Variants in PSG2 observed in about 807,000 individuals in gnomAD.
PSG2 encodes pregnancy-specific beta-1-glycoprotein 2.
PSG2 carries 49 observed loss-of-function variants against 36.2 expected under a neutral mutation model. The observed-to-expected ratio is 1.35, with a 90% CI of 1.08 to 1.72. PSG2 has a LOEUF of 1.72. Ranked by LOEUF, PSG2 falls within the 40% of genes most tolerant of loss-of-function variation. PSG2 has a pLI of 0.00. For synonymous variants in PSG2, 261 were observed against 155.6 expected (o/e 1.68, Z -5.04); for missense variants, 605 against 407.2 (o/e 1.49, Z -4.18).
At chr19:43,077,689 A>AT (rs1299119672) in intron 2 of PSG2, among the ~76,000 whole-genome samples, 1 of 151,800 alleles carries the variant, frequency 6.6e-6, no homozygotes, top group African/African-American at 2.4e-5. Flanking sequence ...CAGTATTCCT[A>AT]TTACGTGTAC....
At chr19:43,070,115 G>A (rs2122898521) in intron 4 of PSG2, among the ~76,000 whole-genome samples, 1 of 151,692 alleles carries the variant, frequency 6.6e-6, no homozygotes, top group African/African-American at 2.4e-5. Flanking sequence ...TTAGAGATGT[G>A]CAAATCAAAA....
intron 4 of PSG2, among the ~76,000 whole-genome samples, chr19:43,068,697 T>A (rs1967776123): frequency 6.6e-6 from 1 of 151,596 alleles, no homozygotes; most frequent in Admixed American, 6.6e-5. Flanking sequence ...AGAAAAACAT[T>A]GTAAGAATGG....
chr19:43,072,894 G>A (rs1411484845), intron 3 of PSG2, among the ~76,000 whole-genome samples: 2 of 151,720 alleles, frequency 1.3e-5, no homozygotes, highest in Non-Finnish European at 2.9e-5. Flanking sequence ...ATGTCAGTGG[G>A]AGTCACAGCC....
At position 43,075,950 on chromosome 19, in the gene PSG2, G is replaced by C. The variant is rs530621638; in HGVS notation, c.431-318C>G. Among the ~76,000 whole-genome samples, 6 of 151,616 alleles carry C rather than the reference G, an allele frequency of 4.0e-5. No homozygotes were observed. The East Asian group carries it at 1.2e-3, about 29-fold the overall frequency. Reference sequence around the variant, plus strand: ...TCCCTCCATCTCGAAGTGCCTGCCTGGCCCACCTTGTGGTCCTCACTTGGA... The same window carrying C: ...TCCCTCCATCTCGAAGTGCCTGCCTCGCCCACCTTGTGGTCCTCACTTGGA... On this transcript the variant is annotated intron_variant, in intron 2 of 5. Transcript: ENST00000406487.
At chr19:43,079,768 T>C (rs1395619514) in intron 2 of PSG2, among the ~76,000 whole-genome samples, 3 of 151,768 alleles carry the variant, frequency 2.0e-5, no homozygotes, top group African/African-American at 4.9e-5. Context: ...CTCTCACTCC[T>C]CTGAGGTTTG....
intron 3 of PSG2, chr19:43,072,418 G>A (rs1023876600): frequency 1.2e-6 from 2 of 1,612,532 alleles, no homozygotes; most frequent in South Asian, 2.2e-5. Flanking sequence ...CACATTCATA[G>A]GGTCCTGTTT....
At chr19:43,071,009 G>A (rs756323544) in intron 4 of PSG2, among the ~76,000 whole-genome samples, 3 of 151,558 alleles carry the variant, frequency 2.0e-5, no homozygotes, top group African/African-American at 4.9e-5. Flanking sequence ...TCATACAACC[G>A]CTGACTTCAG....
chr19:43,071,827 A>G lies in PSG2; in HGVS notation c.837T>C (p.Phe279=), dbSNP rs1486688827. 6.2e-7 allele frequency: 1 copy of G among 1,613,046 alleles called. No individual in the cohort carries two copies. Among genetic ancestry groups the G allele is most frequent in the African/African-American group, 1.3e-5 (1 of 74,456 alleles). Residue 279 remains phenylalanine (F), a synonymous_variant, in exon 4 of 6, where the codon TTT becomes TTC. Coordinates refer to ENST00000406487, the MANE Select transcript of PSG2 (RefSeq NM_031246.4). ...AQYSWTINGK[F]QQSGQNLFIP... is the part of the protein sequence containing the mutation. ...TAAACAGATTTTGTCCTGATTGCTG[A>G]AACTTCCCATTAATTGTCCAAGAAT...
At position 43,075,512 on chromosome 19, in the gene PSG2, C is replaced by G. The variant is rs539957210; in HGVS notation, c.551G>C (p.Gly184Ala). Reference sequence around the variant, plus strand: ...CCTATGAGTCATAGGGAGGCTCTGACCATTCATCCACCACTGGTAGCTTGT... The same window carrying G: ...CCTATGAGTCATAGGGAGGCTCTGAGCATTCATCCACCACTGGTAGCTTGT... ...PDTSYQWWMN[G>A]QSLPMTHRFQ... is the part of the protein sequence containing the mutation. Residue 184 changes from glycine (G) to alanine (A), a missense_variant, in exon 3 of 6, where the codon GGT becomes GCT. Transcript: ENST00000406487. 6 of 1,613,224 alleles carry G rather than the reference C, an allele frequency of 3.7e-6. No homozygotes were observed. In the African/African-American group the frequency reaches 8.0e-5, roughly 22 times the overall value.
At chr19:43,066,457 C>G (rs758562773) in intron 5 of PSG2, 60 bp downstream of exon 5, 26 of 1,263,642 alleles carry the variant, frequency 2.1e-5, no homozygotes, top group Non-Finnish European at 2.8e-5. Context: ...AGTCTTTTCC[C>G]TCTCCCAAGC....
At chr19:43,070,492 T>C (rs573934142) in intron 4 of PSG2, among the ~76,000 whole-genome samples, 2 of 151,912 alleles carry the variant, frequency 1.3e-5, no homozygotes, top group South Asian at 4.1e-4. Context: ...GGTGTGTCTA[T>C]ACGTTGAAAT....
rs548079891 is a variant in PSG2 at position 43,082,635 on chromosome 19, C to G, written c.-66G>C. The G allele has an allele frequency of 1.3e-5, 21 of 1,587,424 alleles. No individual in the cohort carries two copies. The highest frequency in any genetic ancestry group is 1.7e-5 in the Non-Finnish European group (20 of 1,160,980). ...CTAGGATCCAGAAACTTCCTGAGCA[C>G]GGCTGTCAGCTGTGCTGTCCTTCCT... On this transcript the variant is annotated 5_prime_UTR_variant, in exon 1 of 6. Coordinates refer to ENST00000406487, the MANE Select transcript of PSG2 (RefSeq NM_031246.4).
At chr19:43,072,093 C>T (rs1437902650) in intron 3 of PSG2, 139 bp from the exon 4 acceptor site, 8 of 1,403,928 alleles carry the variant, frequency 5.7e-6, no homozygotes, top group Non-Finnish European at 7.7e-6. Flanking sequence ...GTTCACTGAG[C>T]CGAACCCTGA....
chr19:43,081,787 T>A (rs2007702), intron 1 of PSG2: 20,442 of 161,582 alleles, frequency 0.13, 1,955 homozygotes, highest in Non-Finnish European at 0.19. Context: ...TGGAACAGGC[T>A]GCAGACTCCT....
chr19:43,073,112 T>A (rs564222328), intron 3 of PSG2, among the ~76,000 whole-genome samples: 17 of 151,920 alleles, frequency 1.1e-4, no homozygotes, highest in African/African-American at 3.6e-4. Context: ...CTGAAGATAC[T>A]GAGCAGCCTG....
chr19:43,078,608 T>A (rs1967929654), intron 2 of PSG2, among the ~76,000 whole-genome samples: 1 of 151,566 alleles, frequency 6.6e-6, no homozygotes, highest in Admixed American at 6.6e-5. Flanking sequence ...CATGATTCCA[T>A]CACCAAACAA....
Position 43,071,688 on chromosome 19 carries a change from G to A in PSG2, c.964+12C>T. 1.2e-6 allele frequency: 2 copies of A among 1,612,822 alleles called. No individual in the cohort carries two copies. Among genetic ancestry groups the A allele is most frequent in the East Asian group, 2.2e-5 (1 of 44,876 alleles). On this transcript the variant is annotated intron_variant, in intron 4 of 5. Transcript: ENST00000406487. The stretch of plus-strand genomic sequence containing the variant: ...TAAAACCCTACTGCCAAGGATGCTG[G>A]GATCCACTTACCAGAGACTTTGACT...
intron 4 of PSG2, among the ~76,000 whole-genome samples, chr19:43,067,200 G>C (rs551054185): frequency 1.0e-3 from 154 of 151,292 alleles, no homozygotes; most frequent in Middle Eastern, 3.4e-3. Flanking sequence ...CTTTCTCTTT[G>C]TTTTTCATAG....
At position 43,064,491 on chromosome 19, in the gene PSG2, G is replaced by GT; in HGVS notation, c.*150dup. On this transcript the variant is annotated 3_prime_UTR_variant, in exon 6 of 6. Transcript: ENST00000406487. ...CTTCTTTGTCTTGAATTTCATGAAG[G>GT]TATCAGCCTGTTCATTAAAATTTTG... 5.4e-6 allele frequency: 3 copies of GT among 552,942 alleles called. No individual in the cohort carries two copies. The South Asian group carries it at 7.1e-5, about 13-fold the overall frequency. 34.3% of individuals were successfully genotyped at this position (552,942 alleles called of 1,614,324 possible). A position where few individuals can be genotyped will look rare whatever the true frequency, so the allele number is the denominator to read the frequency against.
Sources: allele counts gnomAD v4.1 joint callset (sites outside exome capture counted in the v4.1 genomes callset), GRCh38; gene constraint gnomAD v4.1.1; transcripts MANE v1.5; gene names NCBI Gene and HGNC (gene_info 2026-07-23, HGNC 2026-07-21).